NALF1: variants seen among roughly 807,000 people sequenced by gnomAD.
The protein encoded by NALF1 is NALCN channel auxiliary factor 1, also known as family with sequence similarity 155 member A.
NALF1 carries 3 observed loss-of-function variants against 48.4 expected under a neutral mutation model. That is an observed-to-expected ratio of 0.06 (90% CI 0.03 to 0.16). The LOEUF (loss-of-function observed/expected upper bound fraction) is 0.16, where lower values mean the gene tolerates loss of function less well. NALF1 is among the 10% of genes least tolerant of loss of function. The pLI is 1.00. For missense variants in NALF1, 526 were observed against 571.5 expected, an observed-to-expected ratio of 0.92 and a Z score of 0.81; for synonymous variants, 262 against 245.7, an observed-to-expected ratio of 1.07 and a Z score of -0.62.
intron 1 of NALF1, among the ~76,000 whole-genome samples, chr13:107,304,511 G>T (rs1276636715): frequency 6.6e-6 from 1 of 152,178 alleles, no homozygotes; most frequent in East Asian, 1.9e-4. Context: ...ATATGAACAT[G>T]CTCATTGTAG....
chr13:107,481,444 G>C (rs1164245487), intron 1 of NALF1, among the ~76,000 whole-genome samples: 1 of 152,050 alleles, frequency 6.6e-6, no homozygotes, highest in Non-Finnish European at 1.5e-5. Flanking sequence ...TAATTTCTTT[G>C]CTATTAAAAA....
chr13:107,301,358 G>A (rs1881834030), intron 1 of NALF1, among the ~76,000 whole-genome samples: 1 of 152,112 alleles, frequency 6.6e-6, no homozygotes, highest in Non-Finnish European at 1.5e-5. Context: ...GCTTTATAAA[G>A]CAATGGCTTT....
chr13:107,344,523 G>A (rs1216260510), intron 1 of NALF1, among the ~76,000 whole-genome samples: 2 of 152,094 alleles, frequency 1.3e-5, no homozygotes, highest in Non-Finnish European at 2.9e-5. Context: ...TGTACGTGAT[G>A]GCTCACACAC....
rs1212036292 is a variant in NALF1, at chr13:107,462,468, ATAAG to A, written c.916-251717_916-251714del. ...CCAACAAAGATCAATTGCATATGAA[ATAAG>A]TAAGAGGAAAATAAAAGAAATGGGT... On this transcript the variant is annotated intron_variant, in intron 1 of 2. Coordinates refer to ENST00000375915, the MANE Select transcript of NALF1 (RefSeq NM_001080396.3). Among the ~76,000 whole-genome samples the A allele has an allele frequency of 4.6e-5, 7 of 152,380 alleles. No individual in the cohort carries two copies. The South Asian group carries it at 6.2e-4, about 14-fold the overall frequency.
At chr13:107,464,870 A>T (rs1884976046) in intron 1 of NALF1, among the ~76,000 whole-genome samples, 1 of 152,220 alleles carries the variant, frequency 6.6e-6, no homozygotes, top group Admixed American at 6.5e-5. Context: ...ACATACAAAA[A>T]GCAGTATATA....
At chr13:107,587,659 A>C (rs1033721239) in intron 1 of NALF1, among the ~76,000 whole-genome samples, 2 of 152,170 alleles carry the variant, frequency 1.3e-5, no homozygotes, top group Non-Finnish European at 2.9e-5. Flanking sequence ...ATTTTAAAAA[A>C]AGTCAATAAC....
At chr13:107,597,959 A>G (rs1878803059) in intron 1 of NALF1, among the ~76,000 whole-genome samples, 1 of 152,212 alleles carries the variant, frequency 6.6e-6, no homozygotes, top group Non-Finnish European at 1.5e-5. Context: ...TCATCATGAC[A>G]TTCAAAATTC....
In NALF1 at chr13:107,495,523, C is replaced by T. The variant is rs546435804; in HGVS notation, c.916-284768G>A. Among the ~76,000 whole-genome samples the T allele has an allele frequency of 7.2e-5, 11 of 152,280 alleles. 1 individual carries two copies. Among genetic ancestry groups the T allele is most frequent in the African/African-American group, 2.2e-4 (9 of 41,572 alleles). On this transcript the variant is annotated intron_variant, in intron 1 of 2. Coordinates refer to ENST00000375915, the MANE Select transcript of NALF1 (RefSeq NM_001080396.3). The stretch of plus-strand genomic sequence containing the variant: ...TTCCATACAGACTATACATTCTATA[C>T]GCCAAACCCCTCCCTGGAAAAACCT...
chr13:107,175,679 A>G (rs1878911759), intron 2 of NALF1, among the ~76,000 whole-genome samples: 1 of 152,170 alleles, frequency 6.6e-6, no homozygotes, highest in South Asian at 2.1e-4. Context: ...TTCTAAGGCC[A>G]TTATTTCTTT....
chr13:107,839,202 C>T (rs541914809), intron 1 of NALF1, among the ~76,000 whole-genome samples: 1 of 151,880 alleles, frequency 6.6e-6, no homozygotes, highest in African/African-American at 2.4e-5. Flanking sequence ...CTAATGAATG[C>T]CATGCAGATG....
chr13:107,178,838 G>C (rs901963768), intron 2 of NALF1, among the ~76,000 whole-genome samples: 2 of 151,980 alleles, frequency 1.3e-5, no homozygotes, highest in African/African-American at 4.8e-5. Context: ...GCAGCTACTC[G>C]GGAGGCTGAG....
chr13:107,722,386 T>G (rs1031871537), intron 1 of NALF1, among the ~76,000 whole-genome samples: 4 of 152,146 alleles, frequency 2.6e-5, no homozygotes, highest in Non-Finnish European at 5.9e-5. Flanking sequence ...ATGAAAGTTA[T>G]AATTATTTTA....
chr13:107,528,624 G>A (rs192970507), intron 1 of NALF1, among the ~76,000 whole-genome samples: 7 of 152,226 alleles, frequency 4.6e-5, no homozygotes, highest in Admixed American at 1.3e-4. Context: ...CTCCAGGTGC[G>A]CAAGCCAGAA....
At position 107,635,348 on chromosome 13, in the gene NALF1, G is replaced by A. The variant is rs560780292; in HGVS notation, c.915+230334C>T. Among the ~76,000 whole-genome samples the A allele has an allele frequency of 3.3e-5, 5 of 152,134 alleles. No homozygotes were observed. In the South Asian group the frequency reaches 6.2e-4, roughly 19 times the overall value. On this transcript the variant is annotated intron_variant, in intron 1 of 2. Coordinates refer to ENST00000375915, the MANE Select transcript of NALF1 (RefSeq NM_001080396.3). ...TGTCCTTCTTCACATGATGGCAGGAGAGAGAAGTGCCAAGCAAAGGGGGAA... is the reference window on the plus strand; with the variant it reads ...TGTCCTTCTTCACATGATGGCAGGAAAGAGAAGTGCCAAGCAAAGGGGGAA...
chr13:107,267,501 T>C (rs1290345550), intron 1 of NALF1, among the ~76,000 whole-genome samples: 2 of 152,250 alleles, frequency 1.3e-5, no homozygotes, highest in Non-Finnish European at 2.9e-5. Flanking sequence ...TAGTCCCCTG[T>C]GTATGTTAAA....
At position 107,516,250 on chromosome 13, in the gene NALF1, G is replaced by A. The variant is rs898436008; in HGVS notation, c.916-305495C>T. On this transcript the variant is annotated intron_variant, in intron 1 of 2. Coordinates refer to ENST00000375915, the MANE Select transcript of NALF1 (RefSeq NM_001080396.3). ...ATGAGCGGAGTCAGGGTCTGAGAAC[G>A]CAGACGTGGAGAAAGAAAAAGCAGA... 4.6e-5 allele frequency among the ~76,000 whole-genome samples: 7 copies of A among 152,134 alleles called. 1 individual carries two copies. In the South Asian group the frequency reaches 6.2e-4, roughly 14 times the overall value.
chr13:107,407,973 C>T (rs186451500), intron 1 of NALF1, among the ~76,000 whole-genome samples: 45 of 152,148 alleles, frequency 3.0e-4, no homozygotes, highest in Non-Finnish European at 5.1e-4. Context: ...AACTGGATGA[C>T]ATTAAGTTAA....
chr13:107,201,698 C>T (rs1317970754), intron 2 of NALF1, among the ~76,000 whole-genome samples: 1 of 152,202 alleles, frequency 6.6e-6, no homozygotes, highest in Non-Finnish European at 1.5e-5. Context: ...TTTCATTTCC[C>T]TTGCAATGTT....
intron 1 of NALF1, among the ~76,000 whole-genome samples, chr13:107,728,665 G>C (rs562945498): frequency 6.6e-6 from 1 of 151,636 alleles, no homozygotes; most frequent in South Asian, 2.1e-4. Context: ...AAACCTGCAC[G>C]TTCTGCGCAT....
Sources: allele counts gnomAD v4.1 joint callset (sites outside exome capture counted in the v4.1 genomes callset), GRCh38; gene constraint gnomAD v4.1.1; transcripts MANE v1.5; gene names NCBI Gene and HGNC (gene_info 2026-07-23, HGNC 2026-07-21).